The following PRUNE2 variants were observed in gnomAD, a reference collection of about 807,000 sequenced individuals.
PRUNE2 encodes protein prune homolog 2.
Under a neutral mutation model 252.0 loss-of-function variants are expected in PRUNE2, and 164 were observed. The observed-to-expected ratio is 0.65, with a 90% CI of 0.57 to 0.74. PRUNE2 has a LOEUF of 0.74. PRUNE2 is among the 30% of genes least tolerant of loss of function. The probability of loss-of-function intolerance (pLI) is 0.00; values close to 1 mark genes in which losing one functional copy is unlikely to be tolerated. For missense variants in PRUNE2, 3,495 were observed against 3,711.0 expected (o/e 0.94, Z 1.51); for synonymous variants, 1,292 against 1,350.2 (o/e 0.96, Z 0.94).
intron 18 of PRUNE2, among the ~76,000 whole-genome samples, 191 bp from the exon 19 acceptor site, chr9:76,614,791 A>C (rs751831466): frequency 6.6e-6 from 1 of 152,226 alleles, no homozygotes; most frequent in Admixed American, 6.5e-5. Flanking sequence ...TCTCCAACAT[A>C]TGAAATCTGT....
chr9:76,680,684 A>G (rs2043325336), intron 9 of PRUNE2, among the ~76,000 whole-genome samples: 1 of 152,350 alleles, frequency 6.6e-6, no homozygotes, highest in Admixed American at 6.5e-5. Context: ...GTCCATTTTC[A>G]TACTGCTACA....
chr9:76,897,520 T>A (rs1466405985), intron 1 of PRUNE2, among the ~76,000 whole-genome samples: 3 of 142,070 alleles, frequency 2.1e-5, no homozygotes, highest in Non-Finnish European at 4.5e-5. Flanking sequence ...TTCAAGCAAT[T>A]CCCCTGCCTC....
chr9:76,801,814 A>T (rs182800439), intron 6 of PRUNE2, among the ~76,000 whole-genome samples: 16 of 152,338 alleles, frequency 1.1e-4, no homozygotes, highest in Non-Finnish European at 2.2e-4. Context: ...AGTGCTGCGT[A>T]CAGACAATGT....
chr9:76,673,376 G>A (rs1257355145), intron 9 of PRUNE2, among the ~76,000 whole-genome samples: 17 of 142,216 alleles, frequency 1.2e-4, no homozygotes, highest in African/African-American at 3.7e-4. Context: ...TCTCTGAATA[G>A]ACCAATAACA....
chr9:76,866,330 A>G (rs1446540938), intron 1 of PRUNE2, among the ~76,000 whole-genome samples: 1 of 152,276 alleles, frequency 6.6e-6, no homozygotes, highest in Non-Finnish European at 1.5e-5. Flanking sequence ...CCATTATATT[A>G]ATAATCAGAG....
intron 9 of PRUNE2, among the ~76,000 whole-genome samples, chr9:76,676,077 C>CAAAAAAAAA (rs1554684811): frequency 2.0e-5 from 3 of 148,088 alleles, no homozygotes; most frequent in African/African-American, 2.5e-5. Context: ...AAAAAAAAAC[C>CAAAAAAAAA]AAAAACAAAA....
In PRUNE2 at chr9:76,655,573, C is replaced by T; in HGVS notation, c.8277-71G>A. The T allele has an allele frequency of 3.7e-6, 4 of 1,087,760 alleles. No individual in the cohort carries two copies. In the South Asian group the frequency reaches 5.3e-5, roughly 14 times the overall value. 67.4% of individuals were successfully genotyped at this position (1,087,760 alleles called of 1,614,324 possible). A position where few individuals can be genotyped will look rare whatever the true frequency, so the allele number is the denominator to read the frequency against. On this transcript the variant is annotated intron_variant, in intron 9 of 18. Transcript: ENST00000376718. ...ACTTCATTTCTTTTGAAAAGGAAAC[C>T]CACAGAGTCCAGGATAACATTTTCA... is the stretch of plus-strand genomic sequence containing the variant.
At chr9:76,748,293 T>C (rs1242586250) in intron 6 of PRUNE2, among the ~76,000 whole-genome samples, 1 of 152,200 alleles carries the variant, frequency 6.6e-6, no homozygotes, top group African/African-American at 2.4e-5. Flanking sequence ...TGTTTGCAAA[T>C]CAAGCCAGGT....
At chr9:76,855,082 A>AAAAT (rs1490285240) in intron 1 of PRUNE2, among the ~76,000 whole-genome samples, 179 of 109,392 alleles carry the variant, frequency 1.6e-3, no homozygotes, top group East Asian at 6.1e-3. Context: ...AAAAAAAAAA[A>AAAAT]ATATATATAT....
At chr9:76,621,870 G>C (rs1832476311) in intron 17 of PRUNE2, among the ~76,000 whole-genome samples, 1 of 151,892 alleles carries the variant, frequency 6.6e-6, no homozygotes, top group Non-Finnish European at 1.5e-5. Flanking sequence ...TTTTTTTGTA[G>C]AGATGGAGTC....
intron 9 of PRUNE2, among the ~76,000 whole-genome samples, chr9:76,678,646 G>C (rs1007905238): frequency 2.0e-5 from 3 of 152,070 alleles, no homozygotes; most frequent in Admixed American, 6.5e-5. Context: ...TGGCTAACAC[G>C]GTGAAACCTC....
intron 9 of PRUNE2, among the ~76,000 whole-genome samples, chr9:76,676,772 G>A (rs934175753): frequency 2.6e-5 from 4 of 152,170 alleles, no homozygotes; most frequent in African/African-American, 9.7e-5. Context: ...GCAATATTAC[G>A]ATGTCACATC....
intron 9 of PRUNE2, among the ~76,000 whole-genome samples, chr9:76,665,655 C>G (rs1295407602): frequency 6.6e-6 from 1 of 152,182 alleles, no homozygotes; most frequent in Non-Finnish European, 1.5e-5. Flanking sequence ...TTGAACAACA[C>G]AGATTTAGAC....
intron 9 of PRUNE2, among the ~76,000 whole-genome samples, chr9:76,688,975 A>G (rs2044417452): frequency 6.6e-6 from 1 of 152,136 alleles, no homozygotes; most frequent in Non-Finnish European, 1.5e-5. Context: ...TACCTCATCC[A>G]TGAATCCTGT....
chr9:76,759,794 A>C (rs570200908), intron 6 of PRUNE2: 1 of 152,540 alleles, frequency 6.6e-6, no homozygotes, highest in Non-Finnish European at 1.5e-5. Context: ...GCAGAGTTAA[A>C]AGAGCACTGT....
intron 6 of PRUNE2, among the ~76,000 whole-genome samples, chr9:76,809,873 G>A (rs2057237306): frequency 6.6e-6 from 1 of 152,212 alleles, no homozygotes; most frequent in African/African-American, 2.4e-5. Context: ...GTGAGTACAT[G>A]CATTCAAGCC....
chr9:76,658,319 T>C (rs1239001759), intron 9 of PRUNE2, among the ~76,000 whole-genome samples: 1 of 151,996 alleles, frequency 6.6e-6, no homozygotes, highest in African/African-American at 2.4e-5. Flanking sequence ...GATGGTGCCA[T>C]TGCACTCCAG....
chr9:76,830,694 T>C (rs1448975740), intron 4 of PRUNE2, among the ~76,000 whole-genome samples: 2 of 148,796 alleles, frequency 1.3e-5, no homozygotes, highest in Non-Finnish European at 3.0e-5. Context: ...AGAAAAACTA[T>C]GAGCCCAAAT....
rs190477074 is a variant in PRUNE2 at position 76,708,846 on chromosome 9, C to T, written c.3428G>A (p.Gly1143Glu). Residue 1143 changes from glycine (G) to glutamate (E), a missense_variant, in exon 8 of 19, where the codon GGG (glycine) becomes GAG (glutamate). By Grantham distance (98) the Gly-to-Glu change is moderately conservative (BLOSUM62 -2). Transcript: ENST00000376718. ...DNDLDWDDCSGGAAIPSDGQT... is the reference protein window; with the variant it reads ...DNDLDWDDCSEGAAIPSDGQT... ...ACCATCACTGGGGATTGCCGCACCC[C>T]CACTGCAGTCATCCCAGTCCAAATC... 6.2e-7 allele frequency: 1 copy of T among 1,613,934 alleles called. No individual in the cohort carries two copies. Among genetic ancestry groups the T allele is most frequent in the South Asian group, 1.1e-5 (1 of 91,074 alleles).
Sources: allele counts gnomAD v4.1 joint callset (sites outside exome capture counted in the v4.1 genomes callset), GRCh38; gene constraint gnomAD v4.1.1; transcripts MANE v1.5; gene names NCBI Gene and HGNC (gene_info 2026-07-23, HGNC 2026-07-21).